Variants in KLHL5 observed in about 807,000 individuals in gnomAD.
KLHL5 encodes kelch like family member 5.
A neutral mutation model predicts 77.7 loss-of-function variants in KLHL5; 48 were observed. The observed-to-expected ratio is 0.62, with a 90% confidence interval of 0.49 to 0.79. The LOEUF is 0.79. Ranked by LOEUF, KLHL5 falls within the 30% of genes least tolerant of loss-of-function variation. The probability of loss-of-function intolerance (pLI) is 0.00; values close to 1 mark genes in which losing one functional copy is unlikely to be tolerated. For missense variants in KLHL5, 723 were observed against 859.7 expected, an observed-to-expected ratio of 0.84 and a Z score of 1.99; for synonymous variants, 260 against 297.0, an observed-to-expected ratio of 0.88 and a Z score of 1.28.
chr4:39,113,935 A>G (rs1439224244), intron 9 of KLHL5, among the ~76,000 whole-genome samples: 19 of 152,216 alleles, frequency 1.2e-4, no homozygotes, highest in Admixed American at 1.2e-3. Context: ...CTATAAAGAA[A>G]AATAGGAAGT....
At chr4:39,057,589 A>G (rs1717087865), upstream of KLHL5, among the ~76,000 whole-genome samples, 1 of 152,158 alleles carries the variant, frequency 6.6e-6, no homozygotes, top group Non-Finnish European at 1.5e-5. Flanking sequence ...GATAGACCTA[A>G]TTTGACAAAG....
the KLHL5 span, among the ~76,000 whole-genome samples, chr4:39,134,793 G>C: frequency 1.5e-4 from 23 of 152,254 alleles, no homozygotes; most frequent in Admixed American, 4.6e-4. Flanking sequence ...CTTGGGTGCA[G>C]AGGGCTGTTG....
chr4:39,142,650 CCAAATGTCCT>C, the KLHL5 span, among the ~76,000 whole-genome samples: 1,707 of 152,088 alleles, frequency 0.011, 39 homozygotes, highest in African/African-American at 0.039. Context: ...TAGGAACTAC[CCAAATGTCCT>C]GTAATGGTGA....
rs757645126 is a variant in KLHL5 at position 39,062,956 on chromosome 4, G to A, written c.304G>A (p.Gly102Ser). 6.2e-6 allele frequency: 10 copies of A among 1,613,956 alleles called. No homozygotes were observed. The highest frequency in any genetic ancestry group is 3.3e-4 in the Middle Eastern group (2 of 6,084). Residue 102 changes from glycine (G) to serine (S), a missense_variant, in exon 1 of 11, where the codon GGT becomes AGT. Around this residue, in one of 3 missense-constraint regions of KLHL5, gnomAD observed 221 missense variants for 222.1 expected, o/e 1.00. Transcript: ENST00000504108. ...TGAGTTTACAGCAGAAGATTGTGGC[G>A]GTGCACATTGGCTGGATAGACCAGA... ...AFEFTAEDCGGAHWLDRPEVD... is the reference protein window; with the variant it reads ...AFEFTAEDCGSAHWLDRPEVD...
intron 1 of KLHL5, 109 bp downstream of exon 1, chr4:39,063,144 C>A: frequency 1.4e-6 from 1 of 704,806 alleles, no homozygotes; most frequent in East Asian, 3.0e-5. Flanking sequence ...TGTACATCTG[C>A]ATACATATAT....
chr4:39,049,714 A>T (rs367889609), intron 1 of KLHL5, among the ~76,000 whole-genome samples: 1 of 9,228 alleles, frequency 1.1e-4, no homozygotes, highest in Non-Finnish European at 2.4e-4. Context: ...AATAAATAAA[A>T]AATAAATAAA....
chr4:39,096,855 T>C lies in KLHL5; in HGVS notation c.1277T>C (p.Val426Ala). 2 of 1,613,616 alleles carry C rather than the reference T, an allele frequency of 1.2e-6. No homozygotes were observed. Among genetic ancestry groups the C allele is most frequent in the Non-Finnish European group, 1.7e-6 (2 of 1,179,656 alleles). The stretch of plus-strand genomic sequence containing the variant: ...TCAACTGTTGGTACATTATTTGCAG[T>C]TGGGGGAATGGATTCAACAAAAGGT... ...RKSTVGTLFA[V>A]GGMDSTKGAT... The change falls in exon 6 of 11, where the codon GTT becomes GCT. Residue 426 changes from valine (V) to alanine (A), a missense_variant. Physicochemically the swap from Val to Ala is moderately conservative, Grantham distance 64 (BLOSUM62 0). Around this residue, in one of 3 missense-constraint regions of KLHL5, gnomAD observed 288 missense variants for 400.3 expected, o/e 0.72. Coordinates refer to ENST00000504108, the MANE Select transcript of KLHL5 (RefSeq NM_015990.5).
At chr4:39,084,179 A>G (rs982254137) in intron 4 of KLHL5, among the ~76,000 whole-genome samples, 6 of 152,214 alleles carry the variant, frequency 3.9e-5, no homozygotes, top group Admixed American at 2.6e-4. Context: ...TTTAAAATGT[A>G]AAGCATAATG....
chr4:39,069,419 CT>C (rs1396251979), intron 1 of KLHL5, among the ~76,000 whole-genome samples: 2 of 136,518 alleles, frequency 1.5e-5, no homozygotes, highest in East Asian at 4.3e-4. Flanking sequence ...GAATTTTTCC[CT>C]ATTAACATTT....
chr4:39,081,812 CCTT>C lies in KLHL5; in HGVS notation c.704-147_704-145del. 1.0e-5 allele frequency: 5 copies of C among 490,404 alleles called. No individual in the cohort carries two copies. Among genetic ancestry groups the C allele is most frequent in the East Asian group, 3.2e-5 (1 of 30,968 alleles). The allele number at this position is 490,404 out of a possible 1,614,324, so 30.4% of individuals were successfully genotyped here. On this transcript the variant is annotated intron_variant, in intron 3 of 10. Coordinates refer to ENST00000504108, the MANE Select transcript of KLHL5 (RefSeq NM_015990.5). The surrounding 1 kb of genome is among the most constrained non-coding windows in gnomAD (Gnocchi z 4.3). Reference sequence around the variant, plus strand: ...GCTAATAATTTTTTCCCCATTTAGTCCTTCTTTTCTTTTTGGGATGTCTTAAAC... The same window carrying C: ...GCTAATAATTTTTTCCCCATTTAGTCCTTTTCTTTTTGGGATGTCTTAAAC...
At chr4:39,069,498 A>T (rs1577658115) in intron 1 of KLHL5, among the ~76,000 whole-genome samples, 2 of 144,708 alleles carry the variant, frequency 1.4e-5, no homozygotes, top group African/African-American at 5.1e-5. Flanking sequence ...ACACACACAC[A>T]CACATACATA....
chr4:39,094,387 CTT>C (rs958499768), intron 5 of KLHL5, among the ~76,000 whole-genome samples: 27 of 151,192 alleles, frequency 1.8e-4, no homozygotes, highest in South Asian at 1.2e-3. Context: ...AACAGAAAGA[CTT>C]AATATAAAAA....
At chr4:39,045,981 A>G (rs1716152667) in intron 1 of KLHL5, among the ~76,000 whole-genome samples, 1 of 151,516 alleles carries the variant, frequency 6.6e-6, no homozygotes. Context: ...GTTAGGAAAC[A>G]GTTTAATAAC....
intron 2 of KLHL5, among the ~76,000 whole-genome samples, chr4:39,076,564 T>C (rs761045062): frequency 6.6e-6 from 1 of 152,142 alleles, no homozygotes; most frequent in Non-Finnish European, 1.5e-5. Flanking sequence ...TCCCAACTTC[T>C]GTTTGCTGAT....
intron 5 of KLHL5, among the ~76,000 whole-genome samples, chr4:39,090,386 TA>T (rs1720417685): frequency 6.6e-6 from 1 of 151,946 alleles, no homozygotes; most frequent in South Asian, 2.1e-4. Flanking sequence ...AGTAGACTCT[TA>T]AAATAATATA....
intron 1 of KLHL5, among the ~76,000 whole-genome samples, chr4:39,068,010 C>T (rs1293117254): frequency 1.3e-5 from 2 of 152,004 alleles, no homozygotes; most frequent in African/African-American, 4.8e-5. Context: ...CAGTCTTCTA[C>T]CCCATCTTAC....
At chr4:39,094,687 AC>A (rs1463167274) in intron 5 of KLHL5, among the ~76,000 whole-genome samples, 2 of 152,006 alleles carry the variant, frequency 1.3e-5, no homozygotes, top group African/African-American at 2.4e-5. Context: ...ATAAAAAAAA[AC>A]AAATCTCATA....
the KLHL5 span, among the ~76,000 whole-genome samples, chr4:39,137,169 A>G: frequency 8.1e-6 from 1 of 123,350 alleles, no homozygotes; most frequent in Non-Finnish European, 1.8e-5. Flanking sequence ...TAATAAATAC[A>G]TATGCAAATA....
intron 6 of KLHL5, 134 bp downstream of exon 6, chr4:39,097,012 T>C: frequency 1.4e-6 from 1 of 696,040 alleles, no homozygotes; most frequent in Non-Finnish European, 2.4e-6. Context: ...CAGATAATTG[T>C]GTAACATCCT....
Sources: allele counts gnomAD v4.1 joint callset (sites outside exome capture counted in the v4.1 genomes callset), GRCh38; gene constraint gnomAD v4.1.1; regional missense constraint gnomAD v4.1.1; non-coding constraint Gnocchi (gnomAD v3.1); transcripts MANE v1.5; gene names NCBI Gene and HGNC (gene_info 2026-07-23, HGNC 2026-07-21).